The following RAB11FIP4 variants were observed in gnomAD, a reference collection of about 807,000 sequenced individuals.
RAB11FIP4 encodes the protein rab11 family-interacting protein 4.
Under a neutral mutation model 74.3 loss-of-function variants are expected in RAB11FIP4, and 23 were observed. The ratio of observed to expected loss-of-function variants is 0.31; its 90% CI spans 0.22 to 0.44. The LOEUF is 0.44. Ranked by LOEUF, RAB11FIP4 falls within the 20% of genes least tolerant of loss-of-function variation. RAB11FIP4 has a pLI of 1.00. For synonymous variants in RAB11FIP4, 360 were observed against 359.9 expected, an observed-to-expected ratio of 1.00 and a Z score of 0.00; for missense variants, 630 against 863.9, an observed-to-expected ratio of 0.73 and a Z score of 3.39.
intron 1 of RAB11FIP4, among the ~76,000 whole-genome samples, chr17:31,397,704 T>A (rs185838672): frequency 1.3e-5 from 2 of 152,068 alleles, no homozygotes; most frequent in Admixed American, 1.3e-4. Flanking sequence ...TGGGGATCCC[T>A]TGGGGCCTGG....
intron 1 of RAB11FIP4, among the ~76,000 whole-genome samples, chr17:31,417,394 A>G (rs1170269083): frequency 6.6e-6 from 1 of 152,082 alleles, no homozygotes; most frequent in Non-Finnish European, 1.5e-5. Context: ...CAGACCTGCC[A>G]CTGTCTTTGT....
intron 3 of RAB11FIP4, among the ~76,000 whole-genome samples, chr17:31,457,758 C>A (rs1259303206): frequency 6.6e-6 from 1 of 152,010 alleles, no homozygotes; most frequent in African/African-American, 2.4e-5. Flanking sequence ...TCAACTTGGC[C>A]CTTTCTGTGC....
intron 1 of RAB11FIP4, among the ~76,000 whole-genome samples, chr17:31,418,406 TAAATAA>T (rs2071168474): frequency 6.6e-6 from 1 of 150,628 alleles, no homozygotes; most frequent in South Asian, 2.1e-4. Flanking sequence ...TAAAATAAAA[TAAATAA>T]AAATAAAAAT....
chr17:31,392,127 T>C (rs2070879356), intron 1 of RAB11FIP4, 116 bp downstream of exon 1: 1 of 680,488 alleles, frequency 1.5e-6, no homozygotes, highest in African/African-American at 2.9e-5. Context: ...TCCCTCCCAA[T>C]CCCCTCCCTC....
At chr17:31,464,434 G>C (rs178881) in intron 3 of RAB11FIP4, among the ~76,000 whole-genome samples, 3 of 152,026 alleles carry the variant, frequency 2.0e-5, no homozygotes, top group African/African-American at 4.8e-5. Flanking sequence ...GGATGGGGAT[G>C]GGACATTATC....
chr17:31,450,486 A>G (rs2071515670), intron 3 of RAB11FIP4, among the ~76,000 whole-genome samples: 1 of 151,936 alleles, frequency 6.6e-6, no homozygotes, highest in African/African-American at 2.4e-5. Context: ...CTGGGATTAT[A>G]GGACGGCGCC....
At chr17:31,392,097 C>A in intron 1 of RAB11FIP4, 86 bp downstream of exon 1, 1 of 1,055,950 alleles carries the variant, frequency 9.5e-7, no homozygotes, top group Non-Finnish European at 1.2e-6. Flanking sequence ...GGGTCACCCG[C>A]GTGGCCCGAG....
chr17:31,406,287 A>C (rs2071041090), intron 1 of RAB11FIP4, among the ~76,000 whole-genome samples: 1 of 152,258 alleles, frequency 6.6e-6, no homozygotes, highest in Non-Finnish European at 1.5e-5. Context: ...GCAGGCGCTC[A>C]GCTGCCAGCC....
intron 3 of RAB11FIP4, among the ~76,000 whole-genome samples, chr17:31,513,896 T>TC (rs888755092): frequency 6.6e-6 from 1 of 152,156 alleles, no homozygotes; most frequent in Non-Finnish European, 1.5e-5. Flanking sequence ...GCAGCCACTC[T>TC]CCCACTCTGA....
chr17:31,456,412 G>A (rs140226121), intron 3 of RAB11FIP4, among the ~76,000 whole-genome samples: 1 of 152,250 alleles, frequency 6.6e-6, no homozygotes, highest in Non-Finnish European at 1.5e-5. Context: ...TCACCATGTT[G>A]CCCAGGCTTG....
chr17:31,521,128 T>G, intron 4 of RAB11FIP4, 38 bp from the exon 5 acceptor site: 10 of 1,462,692 alleles, frequency 6.8e-6, no homozygotes, highest in Non-Finnish European at 8.2e-6. Context: ...TGGGGACCCA[T>G]GAGTCCTCCT....
At chr17:31,396,432 T>C (rs2070932043) in intron 1 of RAB11FIP4, among the ~76,000 whole-genome samples, 1 of 152,184 alleles carries the variant, frequency 6.6e-6, no homozygotes, top group Admixed American at 6.5e-5. Context: ...CCCCATTCTA[T>C]AGGGTTATTG....
rs1235378838 is a variant in RAB11FIP4 at position 31,533,903 on chromosome 17, G to A, written c.*2171G>A. 2 of 152,074 alleles carry A rather than the reference G, an allele frequency of 1.3e-5. No homozygotes were observed. The highest frequency in any genetic ancestry group is 2.9e-5 in the Non-Finnish European group (2 of 67,962). 9.4% of individuals were successfully genotyped at this position (152,074 alleles called of 1,614,324 possible). ...TGGAGCAGGCCTGGCTTTTAAATGG[G>A]GGGCTGAATTCCAGCTCACACACAC... On this transcript the variant is annotated 3_prime_UTR_variant, in exon 15 of 15. Transcript: ENST00000621161.
intron 3 of RAB11FIP4, among the ~76,000 whole-genome samples, chr17:31,445,135 A>G (rs948677695): frequency 6.6e-6 from 1 of 152,186 alleles, no homozygotes; most frequent in Admixed American, 6.5e-5. Context: ...CCTGCTGCAG[A>G]TGGTGCAAGA....
At chr17:31,441,972 T>C (rs537753917) in intron 3 of RAB11FIP4, among the ~76,000 whole-genome samples, 1 of 152,096 alleles carries the variant, frequency 6.6e-6, no homozygotes, top group Non-Finnish European at 1.5e-5. Flanking sequence ...CAAATTTATA[T>C]ACCAGTTTCT....
intron 1 of RAB11FIP4, among the ~76,000 whole-genome samples, chr17:31,428,403 G>A (rs2071274230): frequency 6.6e-6 from 1 of 152,216 alleles, no homozygotes; most frequent in Non-Finnish European, 1.5e-5. Flanking sequence ...TGACAACAGT[G>A]ACTGTGAGCA....
chr17:31,474,822 C>T (rs896367973), intron 3 of RAB11FIP4, among the ~76,000 whole-genome samples: 8 of 150,498 alleles, frequency 5.3e-5, no homozygotes, highest in Non-Finnish European at 1.2e-4. Flanking sequence ...AGCCTGGGCA[C>T]GACAGAGCGA....
In RAB11FIP4 at chr17:31,534,973, G is replaced by C. The variant is rs188409553; in HGVS notation, c.*3241G>C. The C allele has an allele frequency of 6.5e-6, 1 of 154,320 alleles. No individual in the cohort carries two copies. The highest frequency in any genetic ancestry group is 1.5e-5 in the Non-Finnish European group (1 of 68,216). The allele number at this position is 154,320 out of a possible 1,614,324, so 9.6% of individuals were successfully genotyped here. On this transcript the variant is annotated 3_prime_UTR_variant, in exon 15 of 15. Transcript: ENST00000621161. ...CTGGTTCAGCTAGTCCCTGTGCGTT[G>C]AGAGGCTTTAAGAAACTTCTAGTAA...
intron 3 of RAB11FIP4, among the ~76,000 whole-genome samples, chr17:31,462,883 G>A (rs1319428999): frequency 4.6e-5 from 7 of 152,180 alleles, no homozygotes; most frequent in South Asian, 2.1e-4. Context: ...TGATCCGCCC[G>A]CCTCGGCCTC....
Sources: gnomAD v4.1 joint callset for allele counts (sites outside exome capture counted in the v4.1 genomes callset) on GRCh38, gnomAD v4.1.1 for gene constraint, MANE v1.5 for transcripts, NCBI Gene and HGNC (gene_info 2026-07-23, HGNC 2026-07-21) for gene names.